The following CELF2 variants were observed in gnomAD, a reference collection of about 807,000 sequenced individuals.
The protein encoded by CELF2 is CUG triplet repeat RNA-binding protein 2.
Under a neutral mutation model 62.6 loss-of-function variants are expected in CELF2, and 8 were observed. The ratio of observed to expected loss-of-function variants is 0.13; its 90% CI spans 0.07 to 0.23. CELF2 has a LOEUF of 0.23. CELF2 is among the 10% of genes least tolerant of loss of function. The probability of loss-of-function intolerance (pLI) is 1.00; values close to 1 mark genes in which losing one functional copy is unlikely to be tolerated. For missense variants in CELF2, 333 were observed against 671.0 expected, an observed-to-expected ratio of 0.50 and a Z score of 5.56; for synonymous variants, 258 against 250.0, an observed-to-expected ratio of 1.03 and a Z score of -0.30.
the CELF2 span, among the ~76,000 whole-genome samples, chr10:10,700,738 T>G: frequency 6.6e-6 from 1 of 152,258 alleles, no homozygotes; most frequent in Non-Finnish European, 1.5e-5. Flanking sequence ...TTGATCATTC[T>G]TTGTCTAAAA....
chr10:10,556,546 C>A, the CELF2 span, among the ~76,000 whole-genome samples: 17 of 152,042 alleles, frequency 1.1e-4, no homozygotes, highest in African/African-American at 3.9e-4. Context: ...GGGTATATAC[C>A]CAGTAATGGG....
intron 1 of CELF2, among the ~76,000 whole-genome samples, chr10:11,116,852 C>A (rs1488070550): frequency 1.3e-5 from 2 of 152,162 alleles, no homozygotes; most frequent in African/African-American, 4.8e-5. Flanking sequence ...TTTATTCATT[C>A]GTTAACCAAC....
At chr10:10,696,277 G>T in the CELF2 span, among the ~76,000 whole-genome samples, 1 of 151,194 alleles carries the variant, frequency 6.6e-6, no homozygotes, top group Non-Finnish European at 1.5e-5. Context: ...AGGTGTCAGT[G>T]TGCCCCTGCT....
intron 1 of CELF2, among the ~76,000 whole-genome samples, chr10:10,867,098 A>G (rs1244888525): frequency 2.6e-5 from 4 of 152,166 alleles, no homozygotes; most frequent in Non-Finnish European, 4.4e-5. Flanking sequence ...GTGCTGGTAA[A>G]TGTTCAACAA....
intron 12 of CELF2, among the ~76,000 whole-genome samples, chr10:11,327,286 C>T (rs2095800168): frequency 6.6e-6 from 1 of 152,142 alleles, no homozygotes; most frequent in African/African-American, 2.4e-5. Context: ...TTGTGTTTTT[C>T]GTAGCTAAAC....
intron 1 of CELF2, among the ~76,000 whole-genome samples, chr10:11,112,813 A>C (rs1314192959): frequency 2.0e-5 from 3 of 152,248 alleles, no homozygotes; most frequent in Admixed American, 1.3e-4. Context: ...ACCATGAGTA[A>C]ACGCAGTGCA....
intron 1 of CELF2, among the ~76,000 whole-genome samples, chr10:11,009,522 T>C (rs1198223562): frequency 6.6e-6 from 1 of 152,170 alleles, no homozygotes; most frequent in East Asian, 1.9e-4. Flanking sequence ...ACAGCTTTCT[T>C]CTGAGTGTGT....
intron 2 of CELF2, among the ~76,000 whole-genome samples, chr10:10,958,783 G>C (rs564837978): frequency 1.6e-3 from 249 of 152,204 alleles, no homozygotes; most frequent in Non-Finnish European, 2.8e-3. Context: ...GTTTGAAGCT[G>C]CAGTGAGCTA....
chr10:11,144,075 C>A (rs990841544), intron 1 of CELF2, among the ~76,000 whole-genome samples: 4 of 151,970 alleles, frequency 2.6e-5, no homozygotes, highest in Non-Finnish European at 5.9e-5. Context: ...ACTCTCTAGG[C>A]CTCTGGTTGG....
intron 1 of CELF2, among the ~76,000 whole-genome samples, chr10:11,052,642 C>T (rs1018408494): frequency 6.6e-6 from 1 of 152,250 alleles, no homozygotes; most frequent in Non-Finnish European, 1.5e-5. Context: ...GTTTAGTTGG[C>T]ACTTCTGCCG....
In CELF2 at chr10:11,157,409, A is replaced by AC. The variant is rs2064741075; in HGVS notation, c.75-8077_75-8076insC. Among the ~76,000 whole-genome samples the AC allele has an allele frequency of 1.7e-5, 1 of 58,988 alleles. No individual in the cohort carries two copies. Among genetic ancestry groups the AC allele is most frequent in the African/African-American group, 6.6e-5 (1 of 15,060 alleles). 38.7% of individuals were successfully genotyped at this position (58,988 alleles called of 152,430 possible). A position where few individuals can be genotyped will look rare whatever the true frequency, so the allele number is the denominator to read the frequency against. On this transcript the variant is annotated intron_variant, in intron 1 of 12. Coordinates refer to ENST00000633077, the MANE Select transcript of CELF2 (RefSeq NM_001326342.2). The surrounding 1 kb of genome is among the most constrained non-coding windows in gnomAD (Gnocchi z 4.9). ...CCCTCCCCCCACACACACACACACA[A>AC]AAATTTCACTTAAACATTGCTCACA...
At chr10:10,557,329 A>G in the CELF2 span, among the ~76,000 whole-genome samples, 1 of 151,738 alleles carries the variant, frequency 6.6e-6, no homozygotes. Flanking sequence ...GGTTTCTCAA[A>G]GATCAGATAG....
the CELF2 span, among the ~76,000 whole-genome samples, chr10:10,537,013 TTGCTGCTGC>T: frequency 1.3e-5 from 2 of 151,986 alleles, no homozygotes; most frequent in South Asian, 2.1e-4. Flanking sequence ...CTGGATTCAC[TTGCTGCTGC>T]TGCTGCTGCT....
At chr10:11,003,189 C>T (rs569065811), upstream of CELF2, among the ~76,000 whole-genome samples, 17 of 152,236 alleles carry the variant, frequency 1.1e-4, no homozygotes, top group African/African-American at 4.1e-4. The surrounding 1 kb of genome is among the most constrained non-coding windows in gnomAD (Gnocchi z 4.4). Context: ...TATTTACATC[C>T]GTAGACTAAA....
chr10:11,113,442 A>C (rs2055742577), intron 1 of CELF2, among the ~76,000 whole-genome samples: 1 of 152,196 alleles, frequency 6.6e-6, no homozygotes, highest in Non-Finnish European at 1.5e-5. Flanking sequence ...TGTTAAGGGA[A>C]TATAGAAACA....
intron 4 of CELF2, among the ~76,000 whole-genome samples, chr10:11,249,600 G>T (rs1367937256): frequency 2.0e-5 from 3 of 152,128 alleles, no homozygotes; most frequent in Non-Finnish European, 4.4e-5. Flanking sequence ...GTGGGTGGGG[G>T]AGGGGCGTTG....
chr10:10,648,778 A>G, the CELF2 span, among the ~76,000 whole-genome samples: 1 of 152,346 alleles, frequency 6.6e-6, no homozygotes, highest in Middle Eastern at 3.4e-3. Flanking sequence ...CCGAAGGAAG[A>G]CATCCTTAAA....
At chr10:10,881,323 A>C (rs563436512) in intron 1 of CELF2, among the ~76,000 whole-genome samples, 75 of 152,334 alleles carry the variant, frequency 4.9e-4, no homozygotes, top group African/African-American at 1.7e-3. Context: ...AAAATCTGAA[A>C]GCCATCTGGC....
chr10:10,522,820 T>A, the CELF2 span, among the ~76,000 whole-genome samples: 11 of 152,316 alleles, frequency 7.2e-5, no homozygotes, highest in Middle Eastern at 6.8e-3. Flanking sequence ...TCCACCTGCC[T>A]CGGCCTCCCA....
Sources: gnomAD v4.1 joint callset for allele counts (sites outside exome capture counted in the v4.1 genomes callset) on GRCh38, gnomAD v4.1.1 for gene constraint, Gnocchi (gnomAD v3.1) non-coding constraint, MANE v1.5 for transcripts, NCBI Gene and HGNC (gene_info 2026-07-23, HGNC 2026-07-21) for gene names.